SBF2: variants seen among roughly 807,000 people sequenced by gnomAD.
SBF2 encodes the protein SET binding factor 2, also known as myotubularin-related protein 13.
Under a neutral mutation model 225.2 loss-of-function variants are expected in SBF2, and 112 were observed. The observed-to-expected ratio is 0.50, with a 90% CI of 0.43 to 0.58. The LOEUF (loss-of-function observed/expected upper bound fraction) is 0.58. Ranked by LOEUF, SBF2 falls within the 20% of genes least tolerant of loss-of-function variation. The probability of loss-of-function intolerance (pLI) is 0.00; values close to 1 mark genes in which losing one functional copy is unlikely to be tolerated. For synonymous variants in SBF2, 763 were observed against 773.3 expected (o/e 0.99, Z 0.22); for missense variants, 1,996 against 2,206.2 (o/e 0.90, Z 1.91).
chr11:9,806,728 A>G (rs1041742707), intron 32 of SBF2, among the ~76,000 whole-genome samples: 3 of 152,214 alleles, frequency 2.0e-5, no homozygotes, highest in African/African-American at 7.2e-5. Context: ...AGTAAAAAAC[A>G]TAGCTTCCTG....
At chr11:10,125,142 T>A (rs575419780) in intron 2 of SBF2, among the ~76,000 whole-genome samples, 1 of 151,938 alleles carries the variant, frequency 6.6e-6, no homozygotes, top group South Asian at 2.1e-4. Context: ...ACTTAGAATT[T>A]TACCATGAAT....
intron 2 of SBF2, among the ~76,000 whole-genome samples, chr11:10,138,032 T>G (rs1365191519): frequency 7.1e-6 from 1 of 140,724 alleles, no homozygotes; most frequent in East Asian, 1.9e-4. Flanking sequence ...TAAATAAATT[T>G]CTATTTTTTT....
intron 6 of SBF2, among the ~76,000 whole-genome samples, chr11:10,003,484 C>T (rs1948062439): frequency 6.6e-6 from 1 of 151,914 alleles, no homozygotes; most frequent in Non-Finnish European, 1.5e-5. Context: ...TCTCCTGCCT[C>T]AGCCTCCTGA....
intron 16 of SBF2, among the ~76,000 whole-genome samples, chr11:9,946,693 G>T (rs1590567848): frequency 6.6e-6 from 1 of 152,064 alleles, no homozygotes; most frequent in East Asian, 1.9e-4. Context: ...CAGGTAATCC[G>T]CCCGCCTCGG....
At chr11:9,786,660 C>T (rs1852391762) in intron 36 of SBF2, among the ~76,000 whole-genome samples, 2 of 152,162 alleles carry the variant, frequency 1.3e-5, no homozygotes, top group Non-Finnish European at 2.9e-5. Context: ...TGGAGCCAGT[C>T]TGATGTGGGT....
At chr11:10,057,927 C>T (rs1212096824) in intron 2 of SBF2, among the ~76,000 whole-genome samples, 1 of 152,160 alleles carries the variant, frequency 6.6e-6, no homozygotes, top group Non-Finnish European at 1.5e-5. Context: ...CCCTCTAAAA[C>T]CAGAGACAAG....
chr11:10,175,078 C>T (rs933829983), intron 2 of SBF2, among the ~76,000 whole-genome samples: 3 of 151,808 alleles, frequency 2.0e-5, no homozygotes, highest in South Asian at 2.1e-4. Context: ...TAAAGACCAT[C>T]GAGACTAGGA....
chr11:10,187,263 T>G (rs1367023618), intron 2 of SBF2, among the ~76,000 whole-genome samples: 1 of 152,102 alleles, frequency 6.6e-6, no homozygotes, highest in Non-Finnish European at 1.5e-5. Flanking sequence ...TTAATTATTC[T>G]CTTTTTCCTC....
chr11:10,135,328 G>T (rs2135115432), intron 2 of SBF2, among the ~76,000 whole-genome samples: 1 of 152,028 alleles, frequency 6.6e-6, no homozygotes, highest in East Asian at 1.9e-4. Flanking sequence ...TGCCACAGAG[G>T]TCTCTGACAC....
At chr11:10,188,373 G>A (rs76674358) in intron 2 of SBF2, among the ~76,000 whole-genome samples, 1,631 of 149,798 alleles carry the variant, frequency 0.011, 14 homozygotes, top group Non-Finnish European at 0.019. Context: ...CAGGCTGTCC[G>A]CAAACAATAC....
At chr11:9,875,511 T>A (rs993423352) in intron 17 of SBF2, among the ~76,000 whole-genome samples, 1 of 152,204 alleles carries the variant, frequency 6.6e-6, no homozygotes, top group South Asian at 2.1e-4. Context: ...CTTTACCTAA[T>A]TGTCCATAAC....
At chr11:10,074,052 G>A (rs189844220) in intron 2 of SBF2, among the ~76,000 whole-genome samples, 23 of 152,162 alleles carry the variant, frequency 1.5e-4, no homozygotes, top group African/African-American at 2.7e-4. Flanking sequence ...AGACAATTTC[G>A]TATGATTCAA....
At chr11:10,300,731 G>T (rs1392565956) in intron 1 of SBF2, among the ~76,000 whole-genome samples, 1 of 151,164 alleles carries the variant, frequency 6.6e-6, no homozygotes, top group Admixed American at 6.6e-5. Context: ...AATTTCTCTT[G>T]AAGTAATTTC....
chr11:10,223,437 A>G (rs1360853677), intron 1 of SBF2, among the ~76,000 whole-genome samples: 3 of 136,548 alleles, frequency 2.2e-5, no homozygotes, highest in African/African-American at 5.5e-5. Context: ...ATATATATAT[A>G]TATATAGTAT....
At chr11:9,872,665 G>A (rs1297267444) in intron 17 of SBF2, among the ~76,000 whole-genome samples, 1 of 152,056 alleles carries the variant, frequency 6.6e-6, no homozygotes, top group Non-Finnish European at 1.5e-5. Context: ...GTGGATCGGA[G>A]GAACTGGAAC....
chr11:10,154,394 A>G (rs183921638), intron 2 of SBF2, among the ~76,000 whole-genome samples: 10 of 152,136 alleles, frequency 6.6e-5, no homozygotes, highest in Admixed American at 2.6e-4. Context: ...CTTCTGGCCT[A>G]TATTTTAGTT....
At chr11:10,252,530 G>A (rs571212747) in intron 1 of SBF2, among the ~76,000 whole-genome samples, 4 of 152,310 alleles carry the variant, frequency 2.6e-5, no homozygotes, top group East Asian at 1.9e-4. Flanking sequence ...CTGGCCGGGC[G>A]CGGTGGCTCA....
chr11:9,892,788 A>G (rs1042442704), intron 17 of SBF2, among the ~76,000 whole-genome samples: 1 of 151,742 alleles, frequency 6.6e-6, no homozygotes, highest in African/African-American at 2.4e-5. Context: ...TCAACTCCCA[A>G]CCTCAGGTGA....
At chr11:10,027,006 G>A (rs140230329) in intron 6 of SBF2, among the ~76,000 whole-genome samples, 125 of 152,198 alleles carry the variant, frequency 8.2e-4, no homozygotes, top group Middle Eastern at 6.8e-3. Context: ...TGTACAACAC[G>A]ATGTTTTGAA....
Sources: gnomAD v4.1 joint callset for allele counts (sites outside exome capture counted in the v4.1 genomes callset) on GRCh38, gnomAD v4.1.1 for gene constraint, MANE v1.5 for transcripts, NCBI Gene and HGNC (gene_info 2026-07-23, HGNC 2026-07-21) for gene names.